The following ADCY6 variants were observed in gnomAD, a reference collection of about 807,000 sequenced individuals.
ADCY6 encodes adenylate cyclase 6, also known as adenylate cyclase type 6.
A neutral mutation model predicts 111.6 loss-of-function variants in ADCY6; 59 were observed. The observed-to-expected ratio is 0.53, with a 90% confidence interval of 0.43 to 0.66. The LOEUF is 0.66. Among genes scored for constraint, ADCY6 ranks in the 30% least tolerant of loss-of-function variants. The pLI is 0.00. For missense variants in ADCY6, 1,242 were observed against 1,595.6 expected (o/e 0.78, Z 3.78); for synonymous variants, 576 against 642.9 (o/e 0.90, Z 1.57).
At position 48,769,170 on chromosome 12, in the gene ADCY6, G is replaced by T. The variant is rs1037286791; in HGVS notation, c.3257-109C>A. ...GGACCCAGAGAAAAAAATGGAAAAAGGACAAGTCTCCTGGTTGTAAAGAAC... is the reference window on the plus strand; with the variant it reads ...GGACCCAGAGAAAAAAATGGAAAAATGACAAGTCTCCTGGTTGTAAAGAAC... On this transcript the variant is annotated intron_variant, in intron 20 of 21. Transcript: ENST00000357869. 86 of 1,207,838 alleles carry T rather than the reference G, an allele frequency of 7.1e-5. No homozygotes were observed. In the African/African-American group the frequency reaches 9.9e-4, roughly 14 times the overall value. 74.8% of individuals were successfully genotyped at this position (1,207,838 alleles called of 1,614,324 possible). A position where few individuals can be genotyped will look rare whatever the true frequency, so the allele number is the denominator to read the frequency against.
intron 1 of ADCY6, among the ~76,000 whole-genome samples, chr12:48,788,430 G>C (rs977965347): frequency 6.6e-6 from 1 of 152,100 alleles, no homozygotes; most frequent in Non-Finnish European, 1.5e-5. Flanking sequence ...TGGGGGATGT[G>C]GGGAGCCGAC....
chr12:48,780,334 T>C (rs1024607939), intron 2 of ADCY6, among the ~76,000 whole-genome samples: 1 of 151,998 alleles, frequency 6.6e-6, no homozygotes, highest in African/African-American at 2.4e-5. Flanking sequence ...CTTCCTGTGA[T>C]TGTGAGTAGG....
Position 48,771,341 on chromosome 12 carries a change from C to A in ADCY6, c.3051+369G>T, listed in dbSNP as rs1941535360. The A allele has an allele frequency of 2.1e-6, 1 of 483,908 alleles. No homozygotes were observed. Among genetic ancestry groups the A allele is most frequent in the Non-Finnish European group, 3.8e-6 (1 of 263,874 alleles). 30.0% of individuals were successfully genotyped at this position (483,908 alleles called of 1,614,324 possible). Reference sequence around the variant, plus strand: ...CCTGATCTGGATGTTCAGGACACTACCTCACATTTTGCTTCAATTTTCTCT... The same window carrying A: ...CCTGATCTGGATGTTCAGGACACTAACTCACATTTTGCTTCAATTTTCTCT... On this transcript the variant is annotated intron_variant, in intron 19 of 21. Coordinates refer to ENST00000357869, the MANE Select transcript of ADCY6 (RefSeq NM_015270.5). This position sits in a 1 kb window ranked among gnomAD's most constrained non-coding sequence, Gnocchi z 4.3.
chr12:48,768,891 C>A (rs772044581), intron 21 of ADCY6, 46 bp downstream of exon 21: 2 of 1,575,874 alleles, frequency 1.3e-6, no homozygotes, highest in Non-Finnish European at 1.7e-6. Flanking sequence ...CTGTGGAAGC[C>A]CTCCGGGCCC....
chr12:48,772,960 C>T (rs1289618942), intron 16 of ADCY6, among the ~76,000 whole-genome samples: 1 of 152,164 alleles, frequency 6.6e-6, no homozygotes, highest in Non-Finnish European at 1.5e-5. Context: ...CTCAGAGAAG[C>T]TAACTCACCT....
rs1338810222 is a variant in ADCY6 at position 48,782,921 on chromosome 12, C to T, written c.514G>A (p.Ala172Thr). The T allele has an allele frequency of 5.6e-6, 9 of 1,613,438 alleles. No individual in the cohort carries two copies. The highest frequency in any genetic ancestry group is 7.6e-6 in the Non-Finnish European group (9 of 1,179,908). Residue 172 changes from alanine (A) to threonine (T), a missense_variant, in exon 2 of 22, where the codon GCA (alanine) becomes ACA (threonine). Transcript: ENST00000357869. This position sits in a 1 kb window ranked among gnomAD's most constrained non-coding sequence, Gnocchi z 4.3. ...TAGGCAGGCTGAGGGCGGGCGGGTG[C>T]GGCGTGGAAAGCCAGCAGCACCGCT... ...LTAVLLAFHAAPARPQPAYVA... is the reference protein window; with the variant it reads ...LTAVLLAFHATPARPQPAYVA...
intron 20 of ADCY6, among the ~76,000 whole-genome samples, chr12:48,769,680 A>G (rs982178063): frequency 3.4e-5 from 5 of 146,124 alleles, no homozygotes; most frequent in Non-Finnish European, 7.5e-5. Context: ...TCTGCCTCCC[A>G]GGTTCAAGAG....
intron 18 of ADCY6, 137 bp downstream of exon 18, chr12:48,772,158 G>C: frequency 7.1e-7 from 1 of 1,416,800 alleles, no homozygotes; most frequent in Non-Finnish European, 9.4e-7. Flanking sequence ...GTAAGGGATG[G>C]GCACAGAGAA....
Position 48,774,787 on chromosome 12 carries a change from G to A in ADCY6, c.2079-9C>T, listed in dbSNP as rs761462189. The stretch of plus-strand genomic sequence containing the variant: ...CAAGCATCAGGGTGGAGCTGGGGCA[G>A]AACAGGGCCAGAAAAATCATTTAAT... On this transcript the variant is annotated splice_polypyrimidine_tract_variant and intron_variant, in intron 12 of 21. Coordinates refer to ENST00000357869, the MANE Select transcript of ADCY6 (RefSeq NM_015270.5). 1 of 1,613,228 alleles carries A rather than the reference G, an allele frequency of 6.2e-7. No homozygotes were observed. The highest frequency in any genetic ancestry group is 8.5e-7 in the Non-Finnish European group (1 of 1,179,376).
upstream of ADCY6, chr12:48,789,524 G>A (rs545539533): frequency 5.3e-5 from 8 of 152,348 alleles, no homozygotes; most frequent in African/African-American, 1.9e-4. Flanking sequence ...AGGGTCCCAG[G>A]GGTTGGGCCG....
chr12:48,778,952 C>A lies in ADCY6; in HGVS notation c.865-695G>T, dbSNP rs1356335946. On this transcript the variant is annotated intron_variant, in intron 2 of 21. Transcript: ENST00000357869. ...GGAGTGCAGTGGCCTGATCTCGGCTCACTGCAACCTCCGCCTCCCAGTTCA... is the reference window on the plus strand; with the variant it reads ...GGAGTGCAGTGGCCTGATCTCGGCTAACTGCAACCTCCGCCTCCCAGTTCA... Among the ~76,000 whole-genome samples the A allele has an allele frequency of 6.1e-5, 8 of 131,220 alleles. 1 individual carries two copies. The East Asian group carries it at 2.0e-3, about 32-fold the overall frequency. The allele number at this position is 131,220 out of a possible 152,430, so 86.1% of individuals were successfully genotyped here.
At chr12:48,781,060 T>A (rs981623673) in intron 2 of ADCY6, among the ~76,000 whole-genome samples, 1 of 152,032 alleles carries the variant, frequency 6.6e-6, no homozygotes, top group Non-Finnish European at 1.5e-5. Flanking sequence ...TAGCTGGGCA[T>A]GGTGGCGCGC....
intron 1 of ADCY6, among the ~76,000 whole-genome samples, chr12:48,787,677 CAG>C (rs1341481330): frequency 1.3e-5 from 2 of 152,226 alleles, no homozygotes; most frequent in African/African-American, 4.8e-5. Flanking sequence ...CCCTCCTCCC[CAG>C]AGTCAGGCTC....
At chr12:48,786,812 AC>A (rs1169389061) in intron 1 of ADCY6, among the ~76,000 whole-genome samples, 4 of 152,224 alleles carry the variant, frequency 2.6e-5, no homozygotes, top group African/African-American at 7.2e-5. Context: ...TTGGCATGAG[AC>A]CAGGGTTCCA....
In ADCY6 at chr12:48,769,079, G is replaced by C. The variant is rs1941454088; in HGVS notation, c.3257-18C>G. 1 of 1,600,688 alleles carries C rather than the reference G, an allele frequency of 6.2e-7. No individual in the cohort carries two copies. Among genetic ancestry groups the C allele is most frequent in the East Asian group, 2.2e-5 (1 of 44,592 alleles). ...GTTCAGCCCTGAGGTGGAGAGAACA[G>C]CAAGAGACTAGTGGATGCTCCAGGG... On this transcript the variant is annotated intron_variant, in intron 20 of 21. Transcript: ENST00000357869.
In ADCY6 at chr12:48,773,586, C is replaced by T. The variant is rs775356120; in HGVS notation, c.2504G>A (p.Ser835Asn). The T allele has an allele frequency of 2.3e-5, 37 of 1,614,010 alleles. No homozygotes were observed. Among genetic ancestry groups the T allele is most frequent in the Non-Finnish European group, 3.0e-5 (35 of 1,180,026 alleles). The stretch of plus-strand genomic sequence containing the variant: ...AAAGATCATGGCCAACTTCCCGATG[C>T]TGCTGATGTGCAGGAAGACAGAGCT... ...LASSVFLHIS[S>N]IGKLAMIFVL... Residue 835 changes from serine (S) to asparagine (N), a missense_variant, in exon 16 of 22, where the codon AGC becomes AAC. Coordinates refer to ENST00000357869, the MANE Select transcript of ADCY6 (RefSeq NM_015270.5).
In ADCY6 at chr12:48,774,098, A is replaced by T. The variant is rs561515432; in HGVS notation, c.2284T>A (p.Phe762Ile). 6.2e-7 allele frequency: 1 copy of T among 1,606,142 alleles called. No individual in the cohort carries two copies. Among genetic ancestry groups the T allele is most frequent in the Non-Finnish European group, 8.5e-7 (1 of 1,175,762 alleles). ...CGTATGGGGGTGTGGTTACAGGTGAACTGCAAAAGTGGAGGGGTATATCAG... is the reference window on the plus strand; with the variant it reads ...CGTATGGGGGTGTGGTTACAGGTGATCTGCAAAAGTGGAGGGGTATATCAG... Reference protein sequence around the residue: ...LVFTSAIANMFTCNHTPIRSC... With the variant: ...LVFTSAIANMITCNHTPIRSC... The change falls in exon 15 of 22, where the codon TTC becomes ATC. Residue 762 changes from phenylalanine to isoleucine, a missense_variant and splice_region_variant. By Grantham distance (21) the Phe-to-Ile change is conservative. This residue lies in a region of ADCY6 where 375 missense variants were observed against 432.5 expected (regional missense o/e 0.87). Transcript: ENST00000357869.
At chr12:48,772,681 T>A in intron 16 of ADCY6, 138 bp from the exon 17 acceptor site, 1 of 954,222 alleles carries the variant, frequency 1.0e-6, no homozygotes, top group African/African-American at 1.7e-5. Flanking sequence ...TTACTTACAT[T>A]AATTAACTCA....
chr12:48,780,710 G>A (rs1367120954), intron 2 of ADCY6, among the ~76,000 whole-genome samples: 1 of 152,156 alleles, frequency 6.6e-6, no homozygotes, highest in Non-Finnish European at 1.5e-5. Flanking sequence ...GAGAGGAAGG[G>A]GGAAAGGAGA....
Sources: gnomAD v4.1 joint callset for allele counts (sites outside exome capture counted in the v4.1 genomes callset) on GRCh38, gnomAD v4.1.1 for gene constraint, gnomAD v4.1.1 regional missense constraint, Gnocchi (gnomAD v3.1) non-coding constraint, MANE v1.5 for transcripts, NCBI Gene and HGNC (gene_info 2026-07-23, HGNC 2026-07-21) for gene names.